The following LINGO2 variants were observed in gnomAD, a reference collection of about 807,000 sequenced individuals.
The protein encoded by LINGO2 is leucine-rich repeat and immunoglobulin-like domain-containing nogo receptor-interacting protein 2.
A neutral mutation model predicts 30.6 loss-of-function variants in LINGO2; 14 were observed. That is an observed-to-expected ratio of 0.46 (90% CI 0.30 to 0.72). LINGO2 has a LOEUF of 0.72. Among genes scored for constraint, LINGO2 ranks in the 30% least tolerant of loss-of-function variants. The pLI, the probability that LINGO2 is intolerant of heterozygous loss-of-function variation, is 0.07. For synonymous variants in LINGO2, 317 were observed against 288.5 expected (o/e 1.10, Z -1.00); for missense variants, 729 against 751.7 (o/e 0.97, Z 0.35).
chr9:28,580,971 T>C (rs2135650756), intron 1 of LINGO2, among the ~76,000 whole-genome samples: 1 of 152,128 alleles, frequency 6.6e-6, no homozygotes, highest in Admixed American at 6.6e-5. Context: ...CTAGTCACTT[T>C]AAACAGATGA....
the LINGO2 span, among the ~76,000 whole-genome samples, chr9:28,926,179 T>C: frequency 2.0e-5 from 3 of 152,066 alleles, no homozygotes; most frequent in Non-Finnish European, 2.9e-5. Context: ...CCGGGGACAG[T>C]GGCGCATGCC....
the LINGO2 span, among the ~76,000 whole-genome samples, chr9:29,009,182 A>T: frequency 6.4e-3 from 980 of 152,278 alleles, 12 homozygotes; most frequent in African/African-American, 0.023. Flanking sequence ...AGTTCTGGCC[A>T]GGGCAATCAG....
intron 1 of LINGO2, among the ~76,000 whole-genome samples, chr9:28,519,101 T>C (rs1820735475): frequency 6.6e-6 from 1 of 152,118 alleles, no homozygotes; most frequent in Non-Finnish European, 1.5e-5. Flanking sequence ...GGTATGATCA[T>C]TGTTCACTGC....
At chr9:29,096,997 T>G in the LINGO2 span, among the ~76,000 whole-genome samples, 24 of 139,500 alleles carry the variant, frequency 1.7e-4, 4 homozygotes, top group African/African-American at 5.9e-4. Flanking sequence ...CCTTATGAAA[T>G]TTTTATAAGT....
the LINGO2 span, among the ~76,000 whole-genome samples, chr9:28,904,639 C>T: frequency 1.3e-5 from 2 of 151,842 alleles, no homozygotes; most frequent in African/African-American, 4.8e-5. Flanking sequence ...ATAAATTTAA[C>T]TGAGTAAGTG....
the LINGO2 span, among the ~76,000 whole-genome samples, chr9:29,211,902 G>A: frequency 5.9e-5 from 9 of 152,212 alleles, no homozygotes; most frequent in South Asian, 8.3e-4. Context: ...GGAGGCGGGG[G>A]AAATTGGGCA....
chr9:29,146,035 T>C, the LINGO2 span, among the ~76,000 whole-genome samples: 1 of 152,132 alleles, frequency 6.6e-6, no homozygotes, highest in Non-Finnish European at 1.5e-5. Flanking sequence ...TGAACAAATA[T>C]AAAACTAGTG....
At chr9:29,082,223 A>G in the LINGO2 span, among the ~76,000 whole-genome samples, 1 of 152,214 alleles carries the variant, frequency 6.6e-6, no homozygotes, top group Non-Finnish European at 1.5e-5. Flanking sequence ...TGCTGGTACC[A>G]AAACAGAGAT....
chr9:29,211,712 G>C, the LINGO2 span, among the ~76,000 whole-genome samples: 2 of 152,110 alleles, frequency 1.3e-5, no homozygotes, highest in African/African-American at 4.8e-5. Flanking sequence ...AAGAGGAAAA[G>C]AAGAGGGTGT....
the LINGO2 span, among the ~76,000 whole-genome samples, chr9:28,789,960 T>C: frequency 0.028 from 4,205 of 152,338 alleles, 77 homozygotes; most frequent in South Asian, 0.046. Context: ...GTGGTACATA[T>C]ATATTTCTAT....
the LINGO2 span, among the ~76,000 whole-genome samples, chr9:29,032,442 T>TA: frequency 6.6e-6 from 1 of 152,138 alleles, no homozygotes; most frequent in Non-Finnish European, 1.5e-5. Flanking sequence ...GTAGTAGAAT[T>TA]AAAAAATCAG....
rs141901474 is a variant in LINGO2, at chr9:28,146,037, A to T, written c.-86-133632T>A. ...GTTGTACAGCATTGTCAAAAATGATATCATAAAGTTCTACTTTTGATTTTT... is the reference window on the plus strand; with the variant it reads ...GTTGTACAGCATTGTCAAAAATGATTTCATAAAGTTCTACTTTTGATTTTT... On this transcript the variant is annotated intron_variant, in intron 4 of 5. Coordinates refer to ENST00000379992, the Ensembl canonical transcript of LINGO2. Among the ~76,000 whole-genome samples the T allele has an allele frequency of 6.9e-3, 1,055 of 152,328 alleles. 10 individuals are homozygous for T. Among genetic ancestry groups the T allele is most frequent in the African/African-American group, 0.024 (983 of 41,564 alleles).
At chr9:28,787,664 TATG>T in the LINGO2 span, among the ~76,000 whole-genome samples, 2 of 152,254 alleles carry the variant, frequency 1.3e-5, no homozygotes, top group South Asian at 4.1e-4. Flanking sequence ...TTGTCCTTAG[TATG>T]ATTATTCCTA....
chr9:28,632,690 T>A (rs886763254), intron 1 of LINGO2, among the ~76,000 whole-genome samples: 1 of 108,406 alleles, frequency 9.2e-6, no homozygotes, highest in Non-Finnish European at 1.9e-5. Context: ...AAAAATATAT[T>A]TATATAGATC....
intron 1 of LINGO2, among the ~76,000 whole-genome samples, chr9:28,657,253 G>C (rs1278953568): frequency 2.0e-5 from 3 of 151,742 alleles, no homozygotes; most frequent in African/African-American, 7.3e-5. Flanking sequence ...CTAGTACCCT[G>C]ATATTTTTTT....
At chr9:28,600,092 C>T (rs761381329) in intron 1 of LINGO2, among the ~76,000 whole-genome samples, 6 of 152,058 alleles carry the variant, frequency 3.9e-5, no homozygotes, top group Admixed American at 2.6e-4. Flanking sequence ...AATTCCACTC[C>T]ACCATTGCTA....
At chr9:28,365,384 T>C (rs1820622386) in intron 3 of LINGO2, among the ~76,000 whole-genome samples, 1 of 152,080 alleles carries the variant, frequency 6.6e-6, no homozygotes, top group Admixed American at 6.6e-5. Context: ...GGGTAACCAA[T>C]AGAAATATGA....
the LINGO2 span, among the ~76,000 whole-genome samples, chr9:29,040,902 A>G: frequency 2.0e-5 from 3 of 152,060 alleles, no homozygotes; most frequent in Non-Finnish European, 4.4e-5. Flanking sequence ...ACACTGACAT[A>G]TAACTTCTAT....
chr9:28,123,082 C>T (rs1454216880), intron 4 of LINGO2, among the ~76,000 whole-genome samples: 2 of 152,032 alleles, frequency 1.3e-5, no homozygotes, highest in Non-Finnish European at 2.9e-5. Flanking sequence ...TCTTCTCATT[C>T]TTGTGCTTAT....
Sources: gnomAD v4.1 joint callset for allele counts (sites outside exome capture counted in the v4.1 genomes callset) on GRCh38, gnomAD v4.1.1 for gene constraint, MANE v1.5 for transcripts, NCBI Gene and HGNC (gene_info 2026-07-23, HGNC 2026-07-21) for gene names.